Variants in TAMM41 observed in about 807,000 individuals in gnomAD.
TAMM41 encodes the protein phosphatidate cytidylyltransferase, mitochondrial.
TAMM41 carries 36 observed loss-of-function variants against 44.1 expected under a neutral mutation model. The ratio of observed to expected loss-of-function variants is 0.82; its 90% CI spans 0.63 to 1.08. The LOEUF (loss-of-function observed/expected upper bound fraction) is 1.08, where lower values mean the gene tolerates loss of function less well. Ranked by LOEUF, TAMM41 falls within the 50% of genes least tolerant of loss-of-function variation. The pLI is 0.00. For missense variants in TAMM41, 417 were observed against 404.3 expected, an observed-to-expected ratio of 1.03 and a Z score of -0.27; for synonymous variants, 164 against 153.1, an observed-to-expected ratio of 1.07 and a Z score of -0.53.
chr3:11,725,350 CCTT>C, the TAMM41 span, among the ~76,000 whole-genome samples: 2 of 80,994 alleles, frequency 2.5e-5, no homozygotes, highest in East Asian at 3.7e-4. Context: ...TCCTCCTCCT[CCTT>C]TTTTTTCTTC....
chr3:11,815,045 A>G (rs6778916), intron 5 of TAMM41, among the ~76,000 whole-genome samples: 23,244 of 152,154 alleles, frequency 0.15, 3,987 homozygotes, highest in East Asian at 0.48. Flanking sequence ...TAAATAAAGA[A>G]GGAAAATTAT....
At chr3:11,821,560 C>G (rs987874601) in intron 4 of TAMM41, among the ~76,000 whole-genome samples, 4 of 152,236 alleles carry the variant, frequency 2.6e-5, no homozygotes, top group Non-Finnish European at 5.9e-5. Context: ...TCCCGCTGTG[C>G]GTCCTGGTTC....
At chr3:11,782,516 C>T in the TAMM41 span, among the ~76,000 whole-genome samples, 5 of 147,352 alleles carry the variant, frequency 3.4e-5, no homozygotes, top group African/African-American at 1.0e-4. Flanking sequence ...CACTGCACTC[C>T]GGCCTGGGTG....
chr3:11,809,316 CAG>C (rs1453342917), intron 6 of TAMM41, 199 bp downstream of exon 6: 2 of 590,248 alleles, frequency 3.4e-6, no homozygotes, highest in Admixed American at 3.6e-5. Context: ...AATTTAAAAA[CAG>C]AAGTATTTTC....
rs765626605 is a variant in TAMM41 at position 11,790,477 on chromosome 3, C to CATATA, written c.*27_*28insTATAT. The CATATA allele has an allele frequency of 2.5e-6, 4 of 1,582,086 alleles. No individual in the cohort carries two copies. In the South Asian group the frequency reaches 4.4e-5, roughly 18 times the overall value. ...AAGGATCAAACACTTTATTCATCTA[C>CATATA]ACATAACATATATAAAAGCAAGCAA... On this transcript the variant is annotated 3_prime_UTR_variant, in exon 8 of 8. Transcript: ENST00000455809.
the TAMM41 span, among the ~76,000 whole-genome samples, chr3:11,754,354 C>T: frequency 6.6e-6 from 1 of 152,046 alleles, no homozygotes; most frequent in African/African-American, 2.4e-5. Flanking sequence ...AATGCATTAC[C>T]AATTCTTTTT....
At chr3:11,750,040 GCGCC>G in the TAMM41 span, among the ~76,000 whole-genome samples, 21 of 151,912 alleles carry the variant, frequency 1.4e-4, no homozygotes, top group Non-Finnish European at 5.9e-5. Flanking sequence ...GGGACTACAG[GCGCC>G]TGCCACCACG....
intron 1 of TAMM41, among the ~76,000 whole-genome samples, chr3:11,846,175 A>G (rs1161096539): frequency 2.0e-5 from 3 of 152,238 alleles, no homozygotes; most frequent in Non-Finnish European, 4.4e-5. Context: ...AGCTCCCCAG[A>G]AAATTCCGAT....
downstream of TAMM41, among the ~76,000 whole-genome samples, chr3:11,785,960 G>A (rs2077414180): frequency 6.6e-6 from 1 of 152,178 alleles, no homozygotes; most frequent in Non-Finnish European, 1.5e-5. Context: ...GGCAGCTCTA[G>A]CAGTGGCAAA....
At chr3:11,834,180 T>C (rs1437977982) in intron 3 of TAMM41, among the ~76,000 whole-genome samples, 1 of 151,874 alleles carries the variant, frequency 6.6e-6, no homozygotes, top group Non-Finnish European at 1.5e-5. Context: ...GGAGGTCGAG[T>C]AAATTGTGTT....
the TAMM41 span, among the ~76,000 whole-genome samples, chr3:11,724,060 GATTTT>G: frequency 2.0e-3 from 297 of 151,308 alleles, 2 homozygotes; most frequent in African/African-American, 6.6e-3. Context: ...CATAGCAAAA[GATTTT>G]ATTTTATTTT....
At chr3:11,749,042 A>G in the TAMM41 span, among the ~76,000 whole-genome samples, 3 of 151,260 alleles carry the variant, frequency 2.0e-5, no homozygotes, top group African/African-American at 4.9e-5. Context: ...CCTCTCAAAT[A>G]GCTGGGATTA....
chr3:11,770,909 G>A, the TAMM41 span, among the ~76,000 whole-genome samples: 1 of 152,244 alleles, frequency 6.6e-6, no homozygotes, highest in Admixed American at 6.5e-5. Flanking sequence ...AGGGCTGGAG[G>A]GCCAGGCCAG....
At chr3:11,843,958 T>A in intron 2 of TAMM41, 71 bp downstream of exon 2, 1 of 1,498,708 alleles carries the variant, frequency 6.7e-7, no homozygotes, top group Admixed American at 1.8e-5. Context: ...AGAACATACA[T>A]ATTTAGCTGG....
chr3:11,815,957 A>G (rs758415167), intron 5 of TAMM41, among the ~76,000 whole-genome samples: 1 of 152,216 alleles, frequency 6.6e-6, no homozygotes, highest in Non-Finnish European at 1.5e-5. Context: ...TGGCTTTTAA[A>G]TCATGTACAT....
chr3:11,832,733 A>G (rs552395853), intron 3 of TAMM41, among the ~76,000 whole-genome samples: 27 of 152,274 alleles, frequency 1.8e-4, no homozygotes, highest in Admixed American at 1.5e-3. Flanking sequence ...CTACTTCCAC[A>G]TTCCCGTTCT....
intron 7 of TAMM41, among the ~76,000 whole-genome samples, chr3:11,795,328 A>C (rs2077578918): frequency 1.3e-5 from 2 of 152,322 alleles, no homozygotes; most frequent in South Asian, 4.1e-4. Context: ...TCAGGGAATG[A>C]ATGGCTCTAC....
chr3:11,786,118 G>A (rs183628737), downstream of TAMM41, among the ~76,000 whole-genome samples: 3 of 152,164 alleles, frequency 2.0e-5, no homozygotes, highest in East Asian at 3.9e-4. Context: ...GTGTGGGCTT[G>A]TAGGTTCCAA....
At chr3:11,800,464 G>A (rs182539234) in intron 7 of TAMM41, among the ~76,000 whole-genome samples, 3 of 151,278 alleles carry the variant, frequency 2.0e-5, no homozygotes, top group East Asian at 3.9e-4. Context: ...GTAAAGGGGT[G>A]GAAAAAGATA....
Sources: allele counts gnomAD v4.1 joint callset (sites outside exome capture counted in the v4.1 genomes callset), GRCh38; gene constraint gnomAD v4.1.1; transcripts MANE v1.5; gene names NCBI Gene and HGNC (gene_info 2026-07-23, HGNC 2026-07-21).